The following TUSC3 variants were observed in gnomAD, a reference collection of about 807,000 sequenced individuals.
TUSC3 encodes the protein tumor suppressor candidate 3, also known as dolichyl-diphosphooligosaccharide--protein glycosyltransferase subunit TUSC3.
In TUSC3, 45 loss-of-function variants were observed where a neutral mutation model predicts 44.8. The observed-to-expected ratio is 1.00, with a 90% confidence interval of 0.79 to 1.29. The LOEUF is 1.29. Among genes scored for constraint, TUSC3 ranks in the 50% most tolerant of loss-of-function variants. TUSC3 has a pLI of 0.00. For missense variants in TUSC3, 519 were observed against 437.9 expected (o/e 1.19, Z -1.65); for synonymous variants, 212 against 152.9 (o/e 1.39, Z -2.85).
chr8:15,546,464 C>T (rs1318509012), intron 1 of TUSC3, among the ~76,000 whole-genome samples: 1 of 151,642 alleles, frequency 6.6e-6, no homozygotes, highest in Non-Finnish European at 1.5e-5. Context: ...GTTTTTTTTA[C>T]ATAGATAAGT....
downstream of TUSC3, among the ~76,000 whole-genome samples, chr8:15,770,490 G>T (rs1425718018): frequency 1.3e-5 from 2 of 151,996 alleles, no homozygotes. Flanking sequence ...AAACCACCAT[G>T]GCATGTGTAT....
chr8:15,838,362 GCTT>G, the TUSC3 span, among the ~76,000 whole-genome samples: 2 of 152,078 alleles, frequency 1.3e-5, no homozygotes, highest in African/African-American at 4.8e-5. Context: ...GTTTTAGAAG[GCTT>G]CTATTTTAAT....
At chr8:15,576,657 C>A (rs1221159177) in intron 1 of TUSC3, among the ~76,000 whole-genome samples, 1 of 140,462 alleles carries the variant, frequency 7.1e-6, no homozygotes, top group Admixed American at 7.1e-5. Flanking sequence ...TTTTTTATGG[C>A]TGCATAGTAT....
At position 15,672,975 on chromosome 8, in the gene TUSC3, C is replaced by G. The variant is rs116533888; in HGVS notation, c.709-772C>G. ...CAGGAAGTACAGGTACTGTTTTAAC[C>G]TAGAGAACACATTTAGTCTAAAGGA... On this transcript the variant is annotated intron_variant, in intron 5 of 10. Coordinates refer to ENST00000503731, the MANE Select transcript of TUSC3 (RefSeq NM_006765.4). Among the ~76,000 whole-genome samples the G allele has an allele frequency of 4.0e-3, 615 of 152,118 alleles. 9 individuals are homozygous for G. The highest frequency in any genetic ancestry group is 0.014 in the African/African-American group (596 of 41,532).
At chr8:15,659,253 A>G (rs550633829) in intron 3 of TUSC3, among the ~76,000 whole-genome samples, 1 of 152,250 alleles carries the variant, frequency 6.6e-6, no homozygotes, top group Non-Finnish European at 1.5e-5. Context: ...TGACTTACAA[A>G]ATATACAGAA....
chr8:15,622,781 A>T (rs1026122728), intron 1 of TUSC3, among the ~76,000 whole-genome samples: 12 of 151,642 alleles, frequency 7.9e-5, no homozygotes, highest in Middle Eastern at 3.4e-3. Flanking sequence ...TGTCCTTTGG[A>T]TAGCAAGAGC....
chr8:15,764,055 G>A lies in TUSC3; in HGVS notation c.*47-148G>A. 4 of 779,200 alleles carry A rather than the reference G, an allele frequency of 5.1e-6. No homozygotes were observed. In the South Asian group the frequency reaches 7.2e-5, roughly 14 times the overall value. 48.3% of individuals were successfully genotyped at this position (779,200 alleles called of 1,614,324 possible). On this transcript the variant is annotated intron_variant, in intron 10 of 10. Transcript: ENST00000503731. ...TTAAAGGCACTAGTTTAGAAAAATT[G>A]CCCTGATGTAAAAATTACAATTAGT... is the stretch of plus-strand genomic sequence containing the variant.
chr8:15,758,445 A>G (rs2604366), intron 10 of TUSC3, among the ~76,000 whole-genome samples: 3,178 of 151,978 alleles, frequency 0.021, 42 homozygotes, highest in African/African-American at 0.041. Context: ...AATTTTTTGC[A>G]GAAAATTCAC....
chr8:15,488,344 TTAAAA>T (rs1379274751), intron 2 of TUSC3, among the ~76,000 whole-genome samples: 21 of 149,884 alleles, frequency 1.4e-4, no homozygotes, highest in Admixed American at 9.3e-4. Context: ...AAAAAAAAAA[TTAAAA>T]TAAATAGCTG....
At chr8:15,422,410 A>C (rs775187366) in intron 1 of TUSC3, among the ~76,000 whole-genome samples, 1 of 152,158 alleles carries the variant, frequency 6.6e-6, no homozygotes, top group African/African-American at 2.4e-5. Flanking sequence ...CTTGTTCTTC[A>C]AGAATGGGGA....
At position 15,476,301 on chromosome 8, in the gene TUSC3, T is replaced by C. The variant is rs1279536294; in HGVS notation, n.92-7085T>C. ...TAATCACCCAGTATGTATGTCTTTT[T>C]TCTTAATGTGTTCTATTCCTCTGCG... On this transcript the variant is annotated intron_variant and non_coding_transcript_variant, in intron 1 of 5. Coordinates refer to the TUSC3 transcript ENST00000503191. Among the ~76,000 whole-genome samples the C allele has an allele frequency of 2.0e-5, 3 of 152,338 alleles. No individual in the cohort carries two copies. The East Asian group carries it at 5.8e-4, about 29-fold the overall frequency.
At chr8:15,839,139 T>C in the TUSC3 span, among the ~76,000 whole-genome samples, 1 of 152,190 alleles carries the variant, frequency 6.6e-6, no homozygotes. Context: ...GGGAGTTCAC[T>C]CATGATTTGG....
the TUSC3 span, among the ~76,000 whole-genome samples, chr8:15,809,993 GAGAC>G: frequency 5.9e-5 from 9 of 152,318 alleles, no homozygotes; most frequent in South Asian, 6.2e-4. Context: ...AAATAGTTCT[GAGAC>G]AGACAGAGAT....
At chr8:15,723,006 A>G (rs1316049283) in intron 6 of TUSC3, among the ~76,000 whole-genome samples, 1 of 152,130 alleles carries the variant, frequency 6.6e-6, no homozygotes, top group South Asian at 2.1e-4. Context: ...TCGTCCTACC[A>G]CAGACCTATT....
At chr8:15,698,997 C>T (rs1236311763) in intron 6 of TUSC3, among the ~76,000 whole-genome samples, 3 of 151,982 alleles carry the variant, frequency 2.0e-5, no homozygotes, top group Non-Finnish European at 4.4e-5. Context: ...CAGGTGCATG[C>T]CACTGCACCC....
In TUSC3 at chr8:15,432,413, A is replaced by G. The variant is rs568482457; in HGVS notation, n.91+15108A>G. The stretch of plus-strand genomic sequence containing the variant: ...ACTTACATTTCCCATCTGTTTTCAC[A>G]TTCTGTCTACTTTATCCATTAGAGC... On this transcript the variant is annotated intron_variant and non_coding_transcript_variant, in intron 1 of 5. Transcript: ENST00000503191. Among the ~76,000 whole-genome samples, 95 of 152,172 alleles carry G rather than the reference A, an allele frequency of 6.2e-4. 1 individual carries two copies. Among genetic ancestry groups the G allele is most frequent in the Middle Eastern group, 3.4e-3 (1 of 294 alleles).
At chr8:15,758,476 C>T (rs767737106) in intron 10 of TUSC3, among the ~76,000 whole-genome samples, 3 of 151,778 alleles carry the variant, frequency 2.0e-5, no homozygotes, top group Non-Finnish European at 2.9e-5. Flanking sequence ...TTTGATTCCA[C>T]ACTGCACATC....
At chr8:15,735,683 A>G (rs1439493164) in intron 7 of TUSC3, among the ~76,000 whole-genome samples, 1 of 151,956 alleles carries the variant, frequency 6.6e-6, no homozygotes, top group Non-Finnish European at 1.5e-5. Flanking sequence ...GATACAGTGG[A>G]TATGTTGATT....
chr8:15,830,174 T>C, the TUSC3 span, among the ~76,000 whole-genome samples: 2 of 152,118 alleles, frequency 1.3e-5, no homozygotes, highest in South Asian at 2.1e-4. Flanking sequence ...TTAGAGTTCT[T>C]CGCAGATTCT....
Sources: gnomAD v4.1 joint callset for allele counts (sites outside exome capture counted in the v4.1 genomes callset) on GRCh38, gnomAD v4.1.1 for gene constraint, MANE v1.5 for transcripts, NCBI Gene and HGNC (gene_info 2026-07-23, HGNC 2026-07-21) for gene names.